Variants in ASS1 observed in about 807,000 individuals in gnomAD.
The protein encoded by ASS1 is argininosuccinate synthase.
Under a neutral mutation model 60.5 loss-of-function variants are expected in ASS1, and 58 were observed. That is an observed-to-expected ratio of 0.96 (90% CI 0.78 to 1.19). ASS1 has a LOEUF of 1.19. Among genes scored for constraint, ASS1 ranks in the 50% most tolerant of loss-of-function variants. The pLI, the probability that ASS1 is intolerant of heterozygous loss-of-function variation, is 0.00. For synonymous variants in ASS1, 200 were observed against 206.9 expected, an observed-to-expected ratio of 0.97 and a Z score of 0.29; for missense variants, 454 against 547.3, an observed-to-expected ratio of 0.83 and a Z score of 1.70.
Position 130,477,580 on chromosome 9 carries a change from C to G in ASS1, c.688+619C>G, listed in dbSNP as rs1457307935. Among the ~76,000 whole-genome samples the G allele has an allele frequency of 6.6e-6, 1 of 152,230 alleles. No homozygotes were observed. Among genetic ancestry groups the G allele is most frequent in the African/African-American group, 2.4e-5 (1 of 41,470 alleles). On this transcript the variant is annotated intron_variant, in intron 9 of 14. Transcript: ENST00000352480. This position sits in a 1 kb window ranked among gnomAD's most constrained non-coding sequence, Gnocchi z 4.2. ...GCTGTCAACAAGAAGCGTTTGCTGA[C>G]CTGGCCTGAGTGCCTGGGTGCCTGA...
At chr9:130,482,326 GGGGGGT>G (rs144998619) in intron 11 of ASS1, among the ~76,000 whole-genome samples, 16,098 of 151,416 alleles carry the variant, frequency 0.11, 942 homozygotes, top group African/African-American at 0.13. Flanking sequence ...TCAGTGTGGC[GGGGGGT>G]GGGGTGGGTT....
rs542265281 is a variant in ASS1, at chr9:130,491,174, C to A, written c.970+1710C>A. On this transcript the variant is annotated intron_variant, in intron 12 of 14. Transcript: ENST00000352480. This position sits in a 1 kb window ranked among gnomAD's most constrained non-coding sequence, Gnocchi z 5.3. ...TCCTTGCAGCTTTGAAGCCAAGTTT[C>A]TGCCCCCGTTCCCAGGGACAGACAG... Among the ~76,000 whole-genome samples, 1 of 152,212 alleles carries A rather than the reference C, an allele frequency of 6.6e-6. No homozygotes were observed. Among genetic ancestry groups the A allele is most frequent in the Non-Finnish European group, 1.5e-5 (1 of 68,038 alleles).
At chr9:130,458,617 A>G (rs1364050864) in intron 4 of ASS1, 28 bp downstream of exon 4, 1 of 1,605,382 alleles carries the variant, frequency 6.2e-7, no homozygotes, top group East Asian at 2.2e-5. Context: ...GGCCGGGCAG[A>G]GGGAGATGGA....
Position 130,478,831 on chromosome 9 carries a change from G to T in ASS1, c.689-885G>T, listed in dbSNP as rs1389852511. On this transcript the variant is annotated intron_variant, in intron 9 of 14. Transcript: ENST00000352480. This position sits in a 1 kb window ranked among gnomAD's most constrained non-coding sequence, Gnocchi z 4.7. ...CCCCTGGAAATGGGGGTTAAGAATG[G>T]CGAGGCTGACAGCGCCTTGAGTGAA... Among the ~76,000 whole-genome samples the T allele has an allele frequency of 6.6e-6, 1 of 152,186 alleles. No individual in the cohort carries two copies. Among genetic ancestry groups the T allele is most frequent in the East Asian group, 1.9e-4 (1 of 5,192 alleles).
intron 1 of ASS1, among the ~76,000 whole-genome samples, chr9:130,448,510 C>T (rs1845251529): frequency 6.6e-6 from 1 of 151,980 alleles, no homozygotes; most frequent in South Asian, 2.1e-4. Context: ...AGGCTGAAGG[C>T]CTCAGAGCCC....
intron 9 of ASS1, among the ~76,000 whole-genome samples, chr9:130,479,167 G>A (rs536595379): frequency 1.3e-4 from 19 of 143,442 alleles, no homozygotes; most frequent in African/African-American, 4.2e-4. Flanking sequence ...GGACGCTGCC[G>A]ACACCTCGCC....
chr9:130,487,603 G>A (rs537673727), intron 11 of ASS1, among the ~76,000 whole-genome samples: 7 of 151,996 alleles, frequency 4.6e-5, no homozygotes, highest in South Asian at 4.2e-4. Context: ...TCCCTACCCC[G>A]GCCCCTGGCA....
chr9:130,493,606 T>C (rs748795483), intron 12 of ASS1, among the ~76,000 whole-genome samples: 1 of 152,056 alleles, frequency 6.6e-6, no homozygotes, highest in East Asian at 1.9e-4. Flanking sequence ...CCTCCCACAA[T>C]AGCCGCAGCC....
chr9:130,489,189 G>A lies in ASS1; in HGVS notation c.839-144G>A, dbSNP rs1846384033. The A allele has an allele frequency of 9.1e-7, 1 of 1,104,388 alleles. No homozygotes were observed. Among genetic ancestry groups the A allele is most frequent in the African/African-American group, 1.6e-5 (1 of 63,292 alleles). 68.4% of individuals were successfully genotyped at this position (1,104,388 alleles called of 1,614,324 possible). ...TGACAGATGCATTTTGCAGCAAGCT[G>A]GGAGTGAATGGGTCCGGCCGGCTTG... On this transcript the variant is annotated intron_variant, in intron 11 of 14. Transcript: ENST00000352480. This position sits in a 1 kb window ranked among gnomAD's most constrained non-coding sequence, Gnocchi z 4.1.
intron 11 of ASS1, among the ~76,000 whole-genome samples, chr9:130,484,395 C>T (rs1488435217): frequency 3.3e-5 from 5 of 152,028 alleles, no homozygotes; most frequent in African/African-American, 7.2e-5. Flanking sequence ...GCTTGGTCCA[C>T]TCTCCCCCCA....
At chr9:130,452,170 C>T (rs918890005) in intron 1 of ASS1, 54 bp from the exon 2 acceptor site, 4 of 1,488,138 alleles carry the variant, frequency 2.7e-6, no homozygotes, top group African/African-American at 1.4e-5. Flanking sequence ...CAGGGGCTGG[C>T]GGGGGGCACT....
rs1305503733 is a variant in ASS1, at chr9:130,465,711, C to T, written c.421-1014C>T. Among the ~76,000 whole-genome samples the T allele has an allele frequency of 2.0e-5, 3 of 152,246 alleles. No individual in the cohort carries two copies. In the South Asian group the frequency reaches 6.2e-4, roughly 32 times the overall value. Reference sequence around the variant, plus strand: ...TTCTAAGAGGAATCTCTTTCCCCGTCCCTTTAACCAGCTGGTAGCTCTTGG... The same window carrying T: ...TTCTAAGAGGAATCTCTTTCCCCGTTCCTTTAACCAGCTGGTAGCTCTTGG... On this transcript the variant is annotated intron_variant, in intron 5 of 14. Coordinates refer to ENST00000352480, the MANE Select transcript of ASS1 (RefSeq NM_054012.4).
chr9:130,448,401 T>C (rs1845243118), intron 1 of ASS1, among the ~76,000 whole-genome samples: 1 of 139,222 alleles, frequency 7.2e-6, no homozygotes, highest in Admixed American at 7.4e-5. Flanking sequence ...CACCCCTGGG[T>C]GCACACAGGT....
In ASS1 at chr9:130,489,739, C is replaced by G. The variant is rs188004077; in HGVS notation, c.970+275C>G. Among the ~76,000 whole-genome samples, 1 of 152,354 alleles carries G rather than the reference C, an allele frequency of 6.6e-6. No homozygotes were observed. The highest frequency in any genetic ancestry group is 1.9e-4 in the East Asian group (1 of 5,190). ...CCAAGGTGTCCGGCAGCTTCCACCC[C>G]CTACAGTTTGCATGACTGCAGCAAT... On this transcript the variant is annotated intron_variant, in intron 12 of 14. Transcript: ENST00000352480. The surrounding 1 kb of genome is among the most constrained non-coding windows in gnomAD (Gnocchi z 4.1).
In ASS1 at chr9:130,491,715, C is replaced by T. The variant is rs574659659; in HGVS notation, c.970+2251C>T. ...GTTGAGTCCCTGCTCTGACAGCCAG[C>T]GACAAGCCCTCTACATCCCAAACTG... On this transcript the variant is annotated intron_variant, in intron 12 of 14. Coordinates refer to ENST00000352480, the MANE Select transcript of ASS1 (RefSeq NM_054012.4). The surrounding 1 kb of genome is among the most constrained non-coding windows in gnomAD (Gnocchi z 5.3). Among the ~76,000 whole-genome samples, 268 of 152,256 alleles carry T rather than the reference C, an allele frequency of 1.8e-3. 2 individuals carry two copies. The highest frequency in any genetic ancestry group is 6.3e-3 in the African/African-American group (260 of 41,540).
intron 11 of ASS1, among the ~76,000 whole-genome samples, chr9:130,484,465 T>G (rs1846253918): frequency 3.9e-5 from 6 of 151,958 alleles, no homozygotes; most frequent in Admixed American, 2.0e-4. Context: ...GCACCTTTCT[T>G]GGCAGTAATT....
intron 1 of ASS1, chr9:130,451,971 G>T (rs1479398999): frequency 7.8e-6 from 5 of 640,282 alleles, no homozygotes; most frequent in Non-Finnish European, 1.2e-5. Context: ...GCCTCTCCCC[G>T]ACCAGCCTAG....
intron 13 of ASS1, among the ~76,000 whole-genome samples, chr9:130,495,267 C>T (rs139086916): frequency 5.3e-4 from 80 of 152,064 alleles, no homozygotes; most frequent in African/African-American, 1.9e-3. Context: ...GTGAGGAATG[C>T]AGGATAGTCT....
chr9:130,497,756 G>A (rs1461454356), intron 13 of ASS1, among the ~76,000 whole-genome samples: 1 of 152,176 alleles, frequency 6.6e-6, no homozygotes, highest in Non-Finnish European at 1.5e-5. Flanking sequence ...TGGACACAGA[G>A]GTGGGGGGAT....
Sources: gnomAD v4.1 joint callset for allele counts (sites outside exome capture counted in the v4.1 genomes callset) on GRCh38, gnomAD v4.1.1 for gene constraint, Gnocchi (gnomAD v3.1) non-coding constraint, MANE v1.5 for transcripts, NCBI Gene and HGNC (gene_info 2026-07-23, HGNC 2026-07-21) for gene names.